Variants in FHOD3 observed in about 807,000 individuals in gnomAD.
FHOD3 encodes FH1/FH2 domain-containing protein 3.
A neutral mutation model predicts 173.0 loss-of-function variants in FHOD3; 90 were observed. The ratio of observed to expected loss-of-function variants is 0.52; its 90% CI spans 0.44 to 0.62. FHOD3 has a LOEUF of 0.62. FHOD3 is among the 20% of genes least tolerant of loss of function. The probability of loss-of-function intolerance (pLI) is 0.00; values close to 1 mark genes in which losing one functional copy is unlikely to be tolerated. For synonymous variants in FHOD3, 828 were observed against 823.0 expected (o/e 1.01, Z -0.10); for missense variants, 1,945 against 2,034.7 (o/e 0.96, Z 0.85).
intron 1 of FHOD3, among the ~76,000 whole-genome samples, chr18:36,316,875 C>A (rs957653917): frequency 7.3e-5 from 11 of 151,328 alleles, no homozygotes; most frequent in Admixed American, 3.3e-4. Flanking sequence ...CTCCCACAGC[C>A]CCCCCACCCC....
intron 3 of FHOD3, among the ~76,000 whole-genome samples, chr18:36,486,493 G>T (rs1393396463): frequency 3.3e-5 from 5 of 152,198 alleles, no homozygotes; most frequent in African/African-American, 9.7e-5. Context: ...CTCCTGAGTA[G>T]CTGGGACTAA....
intron 17 of FHOD3, among the ~76,000 whole-genome samples, chr18:36,704,484 C>G (rs948635): frequency 0.32 from 48,135 of 152,176 alleles, 7,859 homozygotes; most frequent in South Asian, 0.48. Context: ...CCAGGAGATG[C>G]AATCAGATCT....
At chr18:36,488,448 A>G (rs756013493) in intron 3 of FHOD3, among the ~76,000 whole-genome samples, 5 of 152,192 alleles carry the variant, frequency 3.3e-5, no homozygotes, top group Non-Finnish European at 7.3e-5. Context: ...GTCTGAGCTC[A>G]GGGGACCGTC....
intron 25 of FHOD3, among the ~76,000 whole-genome samples, chr18:36,756,255 C>T (rs866744415): frequency 2.6e-5 from 4 of 152,112 alleles, no homozygotes; most frequent in Admixed American, 6.5e-5. Flanking sequence ...ACAGACTCAA[C>T]GATAATAAAG....
At chr18:36,353,871 A>C (rs1175999421) in intron 1 of FHOD3, among the ~76,000 whole-genome samples, 1 of 152,188 alleles carries the variant, frequency 6.6e-6, no homozygotes, top group Non-Finnish European at 1.5e-5. Context: ...TCTTCCATGC[A>C]GTGACTCAGG....
At chr18:36,581,951 A>T (rs1322234381) in intron 6 of FHOD3, among the ~76,000 whole-genome samples, 1 of 152,216 alleles carries the variant, frequency 6.6e-6, no homozygotes, top group Non-Finnish European at 1.5e-5. Context: ...TGGAAACAGA[A>T]TAATGAAAAA....
chr18:36,383,951 C>A (rs2047907794), intron 3 of FHOD3, among the ~76,000 whole-genome samples: 2 of 152,156 alleles, frequency 1.3e-5, no homozygotes, highest in Non-Finnish European at 2.9e-5. Flanking sequence ...GTATCTGAAC[C>A]CTTGATGCTA....
At chr18:36,343,621 T>C (rs1276349747) in intron 1 of FHOD3, among the ~76,000 whole-genome samples, 1 of 137,838 alleles carries the variant, frequency 7.3e-6, no homozygotes, top group Admixed American at 7.1e-5. Flanking sequence ...GGTACCTCTG[T>C]CCCACCTCCT....
chr18:36,517,698 A>G (rs1032048511), intron 5 of FHOD3, among the ~76,000 whole-genome samples: 2 of 152,246 alleles, frequency 1.3e-5, no homozygotes, highest in African/African-American at 4.8e-5. Flanking sequence ...CTTAAAACGC[A>G]TTTAACTCAA....
chr18:36,610,892 C>T (rs950210974), intron 8 of FHOD3, among the ~76,000 whole-genome samples: 4 of 152,276 alleles, frequency 2.6e-5, no homozygotes, highest in Admixed American at 6.5e-5. Context: ...GGCTTTTATC[C>T]CAGTGTCTTC....
At chr18:36,408,298 G>A (rs1016449553) in intron 3 of FHOD3, among the ~76,000 whole-genome samples, 6 of 152,240 alleles carry the variant, frequency 3.9e-5, no homozygotes, top group Non-Finnish European at 8.8e-5. Flanking sequence ...AAAGAGGGGT[G>A]TCCATCAACC....
chr18:36,711,528 A>T (rs2040172312), intron 18 of FHOD3: 1 of 152,032 alleles, frequency 6.6e-6, no homozygotes, highest in Admixed American at 6.6e-5. Flanking sequence ...GAGGGTGGGG[A>T]TGTCTGTCTA....
intron 3 of FHOD3, among the ~76,000 whole-genome samples, chr18:36,444,881 C>T (rs1233360295): frequency 6.6e-6 from 1 of 152,212 alleles, no homozygotes; most frequent in Non-Finnish European, 1.5e-5. Context: ...TTTGCAATTA[C>T]AAACAATGCT....
intron 14 of FHOD3, among the ~76,000 whole-genome samples, chr18:36,669,905 A>C (rs2037418429): frequency 6.6e-6 from 1 of 151,786 alleles, no homozygotes; most frequent in African/African-American, 2.4e-5. Context: ...TTCTGCCAAC[A>C]TTTCTTTTAG....
At position 36,491,824 on chromosome 18, in the gene FHOD3, C is replaced by A. The variant is rs536208017; in HGVS notation, c.338-10108C>A. ...CTTGACAGCTCATTTCTTTTTATTG[C>A]TGAATAATAAACACTCCATTGTATG... On this transcript the variant is annotated intron_variant, in intron 3 of 28. Transcript: ENST00000590592. Among the ~76,000 whole-genome samples, 5 of 152,214 alleles carry A rather than the reference C, an allele frequency of 3.3e-5. No individual in the cohort carries two copies. The East Asian group carries it at 9.7e-4, about 29-fold the overall frequency.
chr18:36,546,397 C>T (rs1022384470), intron 5 of FHOD3, among the ~76,000 whole-genome samples: 1 of 152,104 alleles, frequency 6.6e-6, no homozygotes, highest in African/African-American at 2.4e-5. Context: ...AAAAGGTTGA[C>T]CTGGGCCACC....
At chr18:36,635,700 T>C (rs1248769587) in intron 10 of FHOD3, among the ~76,000 whole-genome samples, 1 of 152,178 alleles carries the variant, frequency 6.6e-6, no homozygotes, top group Non-Finnish European at 1.5e-5. Flanking sequence ...TATCTATGGG[T>C]CAGGCAGATG....
chr18:36,576,224 T>C (rs577754376), intron 5 of FHOD3, among the ~76,000 whole-genome samples: 1 of 152,338 alleles, frequency 6.6e-6, no homozygotes, highest in Non-Finnish European at 1.5e-5. Context: ...ATTGGTGCCT[T>C]AATTGCATCT....
At chr18:36,463,053 A>G (rs980136197) in intron 3 of FHOD3, among the ~76,000 whole-genome samples, 2 of 152,270 alleles carry the variant, frequency 1.3e-5, no homozygotes, top group Admixed American at 6.5e-5. Flanking sequence ...TAATGTCTCC[A>G]GTTGTATACC....
Sources: allele counts gnomAD v4.1 joint callset (sites outside exome capture counted in the v4.1 genomes callset), GRCh38; gene constraint gnomAD v4.1.1; transcripts MANE v1.5; gene names NCBI Gene and HGNC (gene_info 2026-07-23, HGNC 2026-07-21).